PLPP3: variants seen among roughly 807,000 people sequenced by gnomAD.
PLPP3 encodes phospholipid phosphatase 3, also known as PAP2 beta.
Under a neutral mutation model 29.6 loss-of-function variants are expected in PLPP3, and 6 were observed. The observed-to-expected ratio is 0.20, with a 90% CI of 0.11 to 0.40. PLPP3 has a LOEUF of 0.40. Ranked by LOEUF, PLPP3 falls within the 10% of genes least tolerant of loss-of-function variation. The pLI is 1.00. For synonymous variants in PLPP3, 152 were observed against 159.7 expected (o/e 0.95, Z 0.36); for missense variants, 308 against 407.7 (o/e 0.76, Z 2.11).
chr1:56,570,952 C>T (rs1274239030), intron 1 of PLPP3, among the ~76,000 whole-genome samples: 1 of 152,134 alleles, frequency 6.6e-6, no homozygotes, highest in East Asian at 1.9e-4. Flanking sequence ...ACATTTGTCC[C>T]ATGTATCTTT....
chr1:56,564,044 A>G (rs555840553), intron 1 of PLPP3, among the ~76,000 whole-genome samples: 1 of 152,266 alleles, frequency 6.6e-6, no homozygotes, highest in African/African-American at 2.4e-5. Flanking sequence ...TGCTTTCTTC[A>G]TATGCTCATT....
At chr1:56,538,932 T>C (rs1206763655) in intron 1 of PLPP3, 1 of 98,568 alleles carries the variant, frequency 1.0e-5, no homozygotes, top group East Asian at 2.2e-4. Flanking sequence ...AAAAATAAAA[T>C]AAAATAAATA....
intron 1 of PLPP3, 71 bp downstream of exon 1, chr1:56,578,807 C>T: frequency 7.2e-7 from 1 of 1,385,002 alleles, no homozygotes; most frequent in East Asian, 3.2e-5. Context: ...CTGCGCGGCC[C>T]CGGACTGGGC....
At chr1:56,553,997 C>T (rs1646056697) in intron 1 of PLPP3, among the ~76,000 whole-genome samples, 1 of 151,752 alleles carries the variant, frequency 6.6e-6, no homozygotes, top group Non-Finnish European at 1.5e-5. Flanking sequence ...TAAAGAGATC[C>T]ATTATTTATT....
intron 1 of PLPP3, among the ~76,000 whole-genome samples, chr1:56,578,366 G>A (rs1646250897): frequency 6.6e-6 from 1 of 152,176 alleles, no homozygotes; most frequent in African/African-American, 2.4e-5. Flanking sequence ...AAGTGAAAAG[G>A]CCGGCTAGCC....
intron 2 of PLPP3, among the ~76,000 whole-genome samples, chr1:56,531,919 C>A (rs1402340572): frequency 6.6e-6 from 1 of 152,186 alleles, no homozygotes; most frequent in African/African-American, 2.4e-5. Context: ...TGACTCTCCA[C>A]CCCATCCCCA....
intron 2 of PLPP3, among the ~76,000 whole-genome samples, chr1:56,530,877 T>C (rs1645883291): frequency 6.6e-6 from 1 of 152,184 alleles, no homozygotes; most frequent in South Asian, 2.1e-4. Context: ...CTTCATTGTT[T>C]TGAAGTCTCT....
chr1:56,565,662 C>T (rs1007858958), intron 1 of PLPP3, among the ~76,000 whole-genome samples: 2 of 152,122 alleles, frequency 1.3e-5, no homozygotes, highest in Non-Finnish European at 2.9e-5. Flanking sequence ...CTCAGGTGAT[C>T]TGCCCGCCTC....
In PLPP3 at chr1:56,578,816, G is replaced by T; in HGVS notation, c.139+62C>A. 2 of 1,462,002 alleles carry T rather than the reference G, an allele frequency of 1.4e-6. 1 individual carries two copies. Among genetic ancestry groups the T allele is most frequent in the Middle Eastern group, 4.5e-4 (2 of 4,444 alleles). 90.6% of individuals were successfully genotyped at this position (1,462,002 alleles called of 1,614,324 possible). ...GCGGCGCTGCGCGGCCCCGGACTGG[G>T]CTGGGACGCGCGCCGAGGGACGAGG... On this transcript the variant is annotated intron_variant, in intron 1 of 5. Coordinates refer to ENST00000371250, the MANE Select transcript of PLPP3 (RefSeq NM_003713.5).
intron 5 of PLPP3, among the ~76,000 whole-genome samples, chr1:56,502,548 T>C (rs942198143): frequency 2.0e-5 from 3 of 152,190 alleles, no homozygotes; most frequent in African/African-American, 7.2e-5. Flanking sequence ...AAAAGAGCCA[T>C]TAGTGGACAA....
At chr1:56,554,813 A>G (rs1470388364) in intron 1 of PLPP3, among the ~76,000 whole-genome samples, 1 of 152,186 alleles carries the variant, frequency 6.6e-6, no homozygotes, top group Non-Finnish European at 1.5e-5. Context: ...GCTAAAGGAA[A>G]ATAACTGGGG....
rs72920450 is a variant in PLPP3 at position 56,545,803 on chromosome 1, C to T, written c.140-8691G>A. ...CGTCTATGTGGCAGAATAAACAACA[C>T]GTGGACTGGCAGGACACCAGACACC... is the stretch of plus-strand genomic sequence containing the variant. On this transcript the variant is annotated intron_variant, in intron 1 of 5. Transcript: ENST00000371250. Among the ~76,000 whole-genome samples, 299 of 152,294 alleles carry T rather than the reference C, an allele frequency of 2.0e-3. 1 individual carries two copies. The highest frequency in any genetic ancestry group is 6.5e-3 in the African/African-American group (271 of 41,562).
At chr1:56,520,838 G>A (rs1029446644) in intron 4 of PLPP3, among the ~76,000 whole-genome samples, 5 of 148,848 alleles carry the variant, frequency 3.4e-5, no homozygotes, top group African/African-American at 1.3e-4. Context: ...TTGAATCTGG[G>A]AGGCAGAGGT....
At position 56,536,788 on chromosome 1, in the gene PLPP3, T is replaced by G. The variant is rs537037133; in HGVS notation, c.297+167A>C. On this transcript the variant is annotated intron_variant, in intron 2 of 5. Coordinates refer to ENST00000371250, the MANE Select transcript of PLPP3 (RefSeq NM_003713.5). ...TATAATGGGGGTGATAGCACTTACT[T>G]CACATTTAGTGTTCTCAGGATTAAC... Among the ~76,000 whole-genome samples the G allele has an allele frequency of 2.0e-5, 3 of 152,232 alleles. No individual in the cohort carries two copies. The South Asian group carries it at 6.2e-4, about 32-fold the overall frequency.
chr1:56,552,495 A>G (rs1646046657), intron 1 of PLPP3, among the ~76,000 whole-genome samples: 1 of 152,212 alleles, frequency 6.6e-6, no homozygotes, highest in Non-Finnish European at 1.5e-5. Context: ...ACAATTTTAA[A>G]CCACACTGAA....
At chr1:56,511,215 G>A (rs1416627258) in intron 5 of PLPP3, among the ~76,000 whole-genome samples, 1 of 152,180 alleles carries the variant, frequency 6.6e-6, no homozygotes, top group African/African-American at 2.4e-5. Context: ...TTAGCAGGCA[G>A]GAAAAGCAGT....
intron 5 of PLPP3, among the ~76,000 whole-genome samples, chr1:56,509,258 T>C (rs1186734302): frequency 2.0e-5 from 3 of 152,114 alleles, no homozygotes; most frequent in Non-Finnish European, 4.4e-5. Flanking sequence ...GCTTTCAAAC[T>C]CAAAGCAATA....
At chr1:56,527,919 T>C (rs1394844206) in intron 2 of PLPP3, among the ~76,000 whole-genome samples, 1 of 152,148 alleles carries the variant, frequency 6.6e-6, no homozygotes, top group East Asian at 1.9e-4. Context: ...CTTTATTCAT[T>C]ACTCACAATG....
chr1:56,557,019 AG>A (rs1490751189), intron 1 of PLPP3, among the ~76,000 whole-genome samples: 333 of 14,152 alleles, frequency 0.024, 8 homozygotes, highest in Admixed American at 0.032. Flanking sequence ...AGAGAGAGAG[AG>A]AGAGAAAGAG....
Sources: gnomAD v4.1 joint callset for allele counts (sites outside exome capture counted in the v4.1 genomes callset) on GRCh38, gnomAD v4.1.1 for gene constraint, MANE v1.5 for transcripts, NCBI Gene and HGNC (gene_info 2026-07-23, HGNC 2026-07-21) for gene names.